CDH4: variants seen among roughly 807,000 people sequenced by gnomAD.
CDH4 encodes the protein cadherin-4.
CDH4 carries 33 observed loss-of-function variants against 86.0 expected under a neutral mutation model. The observed-to-expected ratio is 0.38, with a 90% CI of 0.29 to 0.51. The LOEUF is 0.51. Ranked by LOEUF, CDH4 falls within the 20% of genes least tolerant of loss-of-function variation. CDH4 has a pLI of 0.86. For missense variants in CDH4, 1,114 were observed against 1,307.4 expected (o/e 0.85, Z 2.28); for synonymous variants, 555 against 549.4 (o/e 1.01, Z -0.14).
In CDH4 at chr20:61,328,378, T is replaced by G. The variant is rs192687179; in HGVS notation, c.169+73441T>G. Among the ~76,000 whole-genome samples, 27 of 152,304 alleles carry G rather than the reference T, an allele frequency of 1.8e-4. No individual in the cohort carries two copies. The East Asian group carries it at 4.5e-3, about 25-fold the overall frequency. Reference sequence around the variant, plus strand: ...TTTTAGTAGAGATGGGGTTTCACTGTGTTAGCCAGGATGGTCTCAATCTCC... The same window carrying G: ...TTTTAGTAGAGATGGGGTTTCACTGGGTTAGCCAGGATGGTCTCAATCTCC... On this transcript the variant is annotated intron_variant, in intron 2 of 15. Transcript: ENST00000614565.
At chr20:61,280,911 C>T (rs948460407) in intron 2 of CDH4, among the ~76,000 whole-genome samples, 6 of 152,216 alleles carry the variant, frequency 3.9e-5, no homozygotes, top group Non-Finnish European at 8.8e-5. Flanking sequence ...CTCACCCTGC[C>T]GCCCGCTGCC....
At chr20:61,443,726 C>G (rs1192289436) in intron 2 of CDH4, among the ~76,000 whole-genome samples, 1 of 152,076 alleles carries the variant, frequency 6.6e-6, no homozygotes, top group Admixed American at 6.6e-5. Context: ...GATTTATACG[C>G]GGGCAGGGCC....
chr20:61,363,144 G>A (rs943228301), intron 2 of CDH4, among the ~76,000 whole-genome samples: 6 of 152,252 alleles, frequency 3.9e-5, no homozygotes, highest in South Asian at 4.1e-4. Flanking sequence ...GACAGCTGCC[G>A]GCAGGTTTGG....
At chr20:61,581,281 A>T (rs2086426497) in intron 2 of CDH4, among the ~76,000 whole-genome samples, 1 of 152,210 alleles carries the variant, frequency 6.6e-6, no homozygotes, top group Non-Finnish European at 1.5e-5. Flanking sequence ...AGCACAAACC[A>T]GGTGGCTTCA....
At chr20:61,897,949 G>T (rs753721486) in intron 8 of CDH4, among the ~76,000 whole-genome samples, 8 of 152,030 alleles carry the variant, frequency 5.3e-5, no homozygotes, top group African/African-American at 1.9e-4. Flanking sequence ...TCAGGCCGGC[G>T]GGGTGACATG....
At chr20:61,429,280 A>T (rs1322763998) in intron 2 of CDH4, among the ~76,000 whole-genome samples, 2 of 152,210 alleles carry the variant, frequency 1.3e-5, no homozygotes, top group Admixed American at 1.3e-4. Context: ...TATTCAACGT[A>T]CCTAAATCCA....
intron 4 of CDH4, among the ~76,000 whole-genome samples, chr20:61,801,832 T>C (rs1310681642): frequency 6.6e-6 from 1 of 152,242 alleles, no homozygotes; most frequent in Non-Finnish European, 1.5e-5. Context: ...ACCCTTCACA[T>C]GGCCTTGAGG....
intron 3 of CDH4, among the ~76,000 whole-genome samples, chr20:61,747,801 T>C (rs1297934286): frequency 6.6e-6 from 1 of 152,188 alleles, no homozygotes; most frequent in African/African-American, 2.4e-5. Context: ...CTAATGTGTA[T>C]ATTTGCAATA....
intron 7 of CDH4, among the ~76,000 whole-genome samples, chr20:61,886,171 G>A (rs893961677): frequency 6.6e-6 from 1 of 152,206 alleles, no homozygotes; most frequent in African/African-American, 2.4e-5. Flanking sequence ...CCTAGATGGT[G>A]GCTGGGGTGG....
rs1349903269 is a variant in CDH4 at position 61,554,233 on chromosome 20, A to G, written c.170-189330A>G. Among the ~76,000 whole-genome samples, 5 of 152,066 alleles carry G rather than the reference A, an allele frequency of 3.3e-5. No individual in the cohort carries two copies. In the East Asian group the frequency reaches 9.6e-4, roughly 29 times the overall value. ...TGTTAGGGTCAGAGCCCTGATTTCC[A>G]TTTCCTTCTGGTTCACATTGCCCTT... On this transcript the variant is annotated intron_variant, in intron 2 of 15. Transcript: ENST00000614565.
chr20:61,846,214 T>G (rs1331134463), intron 5 of CDH4, among the ~76,000 whole-genome samples: 1 of 152,214 alleles, frequency 6.6e-6, no homozygotes, highest in Non-Finnish European at 1.5e-5. Context: ...GGCTGCCTCC[T>G]GGGAAGGCTC....
intron 4 of CDH4, among the ~76,000 whole-genome samples, chr20:61,842,850 T>C (rs1247681009): frequency 6.6e-6 from 1 of 152,222 alleles, no homozygotes; most frequent in African/African-American, 2.4e-5. Context: ...TCCATTTTGA[T>C]TATGAAAACA....
At chr20:61,851,705 G>A (rs1025238647) in intron 5 of CDH4, among the ~76,000 whole-genome samples, 2 of 152,178 alleles carry the variant, frequency 1.3e-5, no homozygotes, top group Non-Finnish European at 2.9e-5. Context: ...CAGCCCCTCA[G>A]CAGCCCCCTC....
intron 2 of CDH4, among the ~76,000 whole-genome samples, chr20:61,631,218 C>G (rs2086885060): frequency 6.6e-6 from 1 of 152,218 alleles, no homozygotes; most frequent in African/African-American, 2.4e-5. Flanking sequence ...GTGATGGCTG[C>G]TAGGCGTTTC....
chr20:61,696,948 G>A (rs2087720804), intron 2 of CDH4, among the ~76,000 whole-genome samples: 1 of 152,192 alleles, frequency 6.6e-6, no homozygotes. Flanking sequence ...GCCGCAAGAA[G>A]ACAGAGGCCG....
At chr20:61,816,911 C>T (rs1182799418) in intron 4 of CDH4, among the ~76,000 whole-genome samples, 1 of 152,224 alleles carries the variant, frequency 6.6e-6, no homozygotes, top group African/African-American at 2.4e-5. Flanking sequence ...TGTGTGCCAC[C>T]CATTCTCATT....
At chr20:61,439,813 C>G (rs974533810) in intron 2 of CDH4, among the ~76,000 whole-genome samples, 1 of 152,220 alleles carries the variant, frequency 6.6e-6, no homozygotes, top group Non-Finnish European at 1.5e-5. Context: ...ACCCTCAGCA[C>G]TAGAGGGGAC....
chr20:61,403,295 C>G (rs1468748825), intron 2 of CDH4, among the ~76,000 whole-genome samples: 1 of 152,206 alleles, frequency 6.6e-6, no homozygotes, highest in African/African-American at 2.4e-5. Flanking sequence ...CTTACAGGAG[C>G]AAATACAGCC....
chr20:61,643,495 C>T (rs538243508), intron 2 of CDH4, among the ~76,000 whole-genome samples: 6 of 152,344 alleles, frequency 3.9e-5, no homozygotes, highest in African/African-American at 1.4e-4. Context: ...CTGCCCACCA[C>T]ACCTCTGGAG....
Sources: allele counts gnomAD v4.1 joint callset (sites outside exome capture counted in the v4.1 genomes callset), GRCh38; gene constraint gnomAD v4.1.1; transcripts MANE v1.5; gene names NCBI Gene and HGNC (gene_info 2026-07-23, HGNC 2026-07-21).